TENM2: variants seen among roughly 807,000 people sequenced by gnomAD.
The protein encoded by TENM2 is teneurin-2.
TENM2 carries 52 observed loss-of-function variants against 245.2 expected under a neutral mutation model. The observed-to-expected ratio is 0.21, with a 90% CI of 0.17 to 0.27. The LOEUF is 0.27. TENM2 is among the 10% of genes least tolerant of loss of function. TENM2 has a pLI of 1.00. For synonymous variants in TENM2, 1,363 were observed against 1,438.9 expected (o/e 0.95, Z 1.19); for missense variants, 3,046 against 3,666.8 (o/e 0.83, Z 4.37).
chr5:167,957,375 A>G (rs1340675510), intron 4 of TENM2, among the ~76,000 whole-genome samples: 1 of 151,812 alleles, frequency 6.6e-6, no homozygotes, highest in East Asian at 1.9e-4. Flanking sequence ...TTTCTTCTTT[A>G]TTAGTCTGGC....
intron 2 of TENM2, among the ~76,000 whole-genome samples, chr5:167,863,492 A>C (rs958626711): frequency 4.8e-5 from 7 of 145,878 alleles, no homozygotes; most frequent in Admixed American, 1.4e-4. Flanking sequence ...CACACACACA[A>C]AATTAGCCAG....
intron 12 of TENM2, among the ~76,000 whole-genome samples, chr5:168,150,366 A>G (rs550740342): frequency 6.6e-6 from 1 of 152,370 alleles, no homozygotes; most frequent in East Asian, 1.9e-4. Context: ...TGATTCGCAC[A>G]CACTGAACTC....
chr5:168,249,854 T>C (rs912780957), intron 27 of TENM2, among the ~76,000 whole-genome samples: 4 of 151,782 alleles, frequency 2.6e-5, no homozygotes, highest in African/African-American at 9.7e-5. Flanking sequence ...TGAGAACCCA[T>C]CTCACAAAAA....
At chr5:167,468,029 C>T (rs1218446300) in intron 2 of TENM2, among the ~76,000 whole-genome samples, 6 of 152,116 alleles carry the variant, frequency 3.9e-5, no homozygotes, top group African/African-American at 7.2e-5. Context: ...CTCTGCCTCC[C>T]GGGTTCAAGC....
the TENM2 span, among the ~76,000 whole-genome samples, chr5:167,036,788 C>T: frequency 1.3e-5 from 2 of 152,190 alleles, no homozygotes; most frequent in Non-Finnish European, 2.9e-5. Flanking sequence ...AGCTGTCCTG[C>T]TTTCCAAGGG....
At chr5:167,011,117 G>C in the TENM2 span, among the ~76,000 whole-genome samples, 1 of 152,156 alleles carries the variant, frequency 6.6e-6, no homozygotes, top group Non-Finnish European at 1.5e-5. Flanking sequence ...TATTTGAAAA[G>C]TTGATGTTTA....
At chr5:167,114,379 A>G in the TENM2 span, among the ~76,000 whole-genome samples, 2 of 152,212 alleles carry the variant, frequency 1.3e-5, no homozygotes, top group South Asian at 2.1e-4. Flanking sequence ...GAAAAATCGG[A>G]AAGAGTTAAT....
chr5:167,808,192 C>T (rs767873762), intron 2 of TENM2, among the ~76,000 whole-genome samples: 3 of 152,186 alleles, frequency 2.0e-5, no homozygotes, highest in Non-Finnish European at 4.4e-5. Flanking sequence ...AACTTAATCA[C>T]TTTAAGGTTC....
intron 2 of TENM2, among the ~76,000 whole-genome samples, chr5:167,413,059 A>C (rs924313738): frequency 6.6e-6 from 1 of 152,108 alleles, no homozygotes; most frequent in Non-Finnish European, 1.5e-5. Context: ...CTAGTTATCT[A>C]GAAACATTTT....
intron 23 of TENM2, among the ~76,000 whole-genome samples, chr5:168,222,141 A>G (rs1020513635): frequency 2.0e-5 from 3 of 152,256 alleles, no homozygotes; most frequent in African/African-American, 7.2e-5. Flanking sequence ...TACAAGAGTC[A>G]GACAGATAGA....
intron 3 of TENM2, among the ~76,000 whole-genome samples, chr5:167,921,067 C>T (rs1426452663): frequency 1.3e-5 from 2 of 152,168 alleles, no homozygotes; most frequent in Non-Finnish European, 2.9e-5. Context: ...GATTTATGGA[C>T]TGAGGCTTAG....
intron 2 of TENM2, among the ~76,000 whole-genome samples, chr5:167,383,828 T>C (rs1761252872): frequency 1.3e-5 from 2 of 152,178 alleles, no homozygotes; most frequent in Admixed American, 6.5e-5. Context: ...ATGCAAGTAA[T>C]TTATTGGTAT....
chr5:167,304,318 T>G (rs1321915358), intron 1 of TENM2, among the ~76,000 whole-genome samples: 1 of 152,184 alleles, frequency 6.6e-6, no homozygotes, highest in Non-Finnish European at 1.5e-5. Flanking sequence ...GGCTTTCCCT[T>G]TCCTTGTCTC....
intron 2 of TENM2, among the ~76,000 whole-genome samples, chr5:167,519,466 T>C (rs530308697): frequency 2.0e-5 from 3 of 152,278 alleles, no homozygotes; most frequent in East Asian, 3.9e-4. Context: ...ATTATTAAAC[T>C]AATGGCATTG....
At chr5:167,941,901 C>T (rs1779211672) in intron 3 of TENM2, among the ~76,000 whole-genome samples, 1 of 149,890 alleles carries the variant, frequency 6.7e-6, no homozygotes, top group Non-Finnish European at 1.5e-5. Flanking sequence ...CTGTGTCACC[C>T]CTCTCTCCAA....
At chr5:167,322,572 T>C (rs1474642314) in intron 1 of TENM2, among the ~76,000 whole-genome samples, 1 of 152,204 alleles carries the variant, frequency 6.6e-6, no homozygotes, top group Non-Finnish European at 1.5e-5. Context: ...AGCCCAGTGC[T>C]CAAGAACTCT....
chr5:168,139,458 A>G (rs1271710413), intron 12 of TENM2: 3 of 456,336 alleles, frequency 6.6e-6, no homozygotes, highest in Middle Eastern at 3.2e-4. Flanking sequence ...ATCTCTAAGT[A>G]GGAAAACTTT....
intron 2 of TENM2, among the ~76,000 whole-genome samples, chr5:167,787,786 G>C (rs1733160165): frequency 6.6e-6 from 1 of 152,176 alleles, no homozygotes; most frequent in Admixed American, 6.5e-5. Context: ...GAACCACATG[G>C]GTTGGGAGTG....
chr5:167,365,898 G>A (rs1016100071), intron 1 of TENM2, among the ~76,000 whole-genome samples: 2 of 151,904 alleles, frequency 1.3e-5, no homozygotes, highest in Admixed American at 6.6e-5. Context: ...TGCATAAAAT[G>A]TATAGCATGA....
Sources: gnomAD v4.1 joint callset for allele counts (sites outside exome capture counted in the v4.1 genomes callset) on GRCh38, gnomAD v4.1.1 for gene constraint, MANE v1.5 for transcripts, NCBI Gene and HGNC (gene_info 2026-07-23, HGNC 2026-07-21) for gene names.